PTPRQ: variants seen among roughly 807,000 people sequenced by gnomAD.
PTPRQ encodes protein tyrosine phosphatase receptor type Q.
In PTPRQ, 199 loss-of-function variants were observed where a neutral mutation model predicts 246.0. The ratio of observed to expected loss-of-function variants is 0.81; its 90% confidence interval spans 0.72 to 0.91. The LOEUF (loss-of-function observed/expected upper bound fraction) is 0.91, where lower values mean the gene tolerates loss of function less well. PTPRQ is among the 40% of genes least tolerant of loss of function. The pLI is 0.00. For missense variants in PTPRQ, 2,624 were observed against 2,528.4 expected, an observed-to-expected ratio of 1.04 and a Z score of -0.81; for synonymous variants, 869 against 853.2, an observed-to-expected ratio of 1.02 and a Z score of -0.32.
At chr12:80,652,285 A>G (rs1265003028) in intron 37 of PTPRQ, among the ~76,000 whole-genome samples, 2 of 152,128 alleles carry the variant, frequency 1.3e-5, no homozygotes, top group South Asian at 2.1e-4. Flanking sequence ...AAGAGCAGGA[A>G]TTGACCTCTG....
chr12:80,565,445 G>A (rs1396976137), intron 25 of PTPRQ, among the ~76,000 whole-genome samples: 1 of 152,130 alleles, frequency 6.6e-6, no homozygotes, highest in Non-Finnish European at 1.5e-5. Context: ...CTATGCAGCT[G>A]TAGTTGATAC....
chr12:80,466,334 C>A (rs531544600), intron 6 of PTPRQ, among the ~76,000 whole-genome samples: 1 of 152,070 alleles, frequency 6.6e-6, no homozygotes, highest in Non-Finnish European at 1.5e-5. Flanking sequence ...GAAGTACAAA[C>A]CAGTGCTCAA....
chr12:80,582,033 A>G (rs947421994), intron 25 of PTPRQ, among the ~76,000 whole-genome samples: 6 of 152,196 alleles, frequency 3.9e-5, no homozygotes, highest in Non-Finnish European at 8.8e-5. Context: ...TTTACCTAGC[A>G]ACGATTATCC....
chr12:80,673,109 C>A lies in PTPRQ; in HGVS notation c.6603-60C>A, dbSNP rs1901025516. 1.9e-6 allele frequency: 3 copies of A among 1,538,492 alleles called. No homozygotes were observed. The African/African-American group carries it at 4.1e-5, about 21-fold the overall frequency. On this transcript the variant is annotated intron_variant, in intron 42 of 44. Transcript: ENST00000644991. ...TGCTATCATAGCTCATTATCTTTATCCCCATCAAAATGAACAACCCTTTGC... is the reference window on the plus strand; with the variant it reads ...TGCTATCATAGCTCATTATCTTTATACCCATCAAAATGAACAACCCTTTGC...
In PTPRQ at chr12:80,530,774, C is replaced by T. The variant is rs1895822008; in HGVS notation, c.2679-3241C>T. 2.6e-5 allele frequency among the ~76,000 whole-genome samples: 4 copies of T among 152,072 alleles called. No individual in the cohort carries two copies. The South Asian group carries it at 8.3e-4, about 32-fold the overall frequency. On this transcript the variant is annotated intron_variant, in intron 17 of 44. Coordinates refer to ENST00000644991, the MANE Select transcript of PTPRQ (RefSeq NM_001145026.2). Reference sequence around the variant, plus strand: ...GTTTGTCAAAATGGGTACTCTCACACATTGGTGGTATGATTCTAAATAATT... The same window carrying T: ...GTTTGTCAAAATGGGTACTCTCACATATTGGTGGTATGATTCTAAATAATT...
At chr12:80,663,353 C>T (rs563026035) in intron 39 of PTPRQ, among the ~76,000 whole-genome samples, 3 of 151,758 alleles carry the variant, frequency 2.0e-5, no homozygotes, top group Non-Finnish European at 4.4e-5. Flanking sequence ...GAACCTACTC[C>T]TCCCTTACAG....
At chr12:80,538,718 T>A (rs1433415663) in intron 19 of PTPRQ, among the ~76,000 whole-genome samples, 1 of 152,210 alleles carries the variant, frequency 6.6e-6, no homozygotes, top group African/African-American at 2.4e-5. Flanking sequence ...ACTATAAATT[T>A]GGTAAATTTG....
chr12:80,569,751 G>A (rs564753021), intron 25 of PTPRQ, among the ~76,000 whole-genome samples: 5 of 92,080 alleles, frequency 5.4e-5, no homozygotes, highest in African/African-American at 1.7e-4. Context: ...CCCCACCCCC[G>A]ACAGGCCCCA....
At chr12:80,507,667 G>A (rs1361542444) in intron 16 of PTPRQ, among the ~76,000 whole-genome samples, 2 of 151,928 alleles carry the variant, frequency 1.3e-5, no homozygotes, top group African/African-American at 4.8e-5. Context: ...TGTTGCCCCA[G>A]TTTCTAAGTG....
chr12:80,604,950 T>C, intron 26 of PTPRQ, 109 bp from the exon 27 acceptor site: 1 of 1,134,734 alleles, frequency 8.8e-7, no homozygotes, highest in Non-Finnish European at 1.1e-6. Context: ...TAATGTAAAA[T>C]TAAAATTAAT....
intron 3 of PTPRQ, 27 bp downstream of exon 3, chr12:80,445,744 G>C (rs945515857): frequency 7.3e-6 from 10 of 1,374,026 alleles, no homozygotes; most frequent in African/African-American, 7.2e-5. Flanking sequence ...TGACTACTTA[G>C]TGTTCAAACA....
intron 25 of PTPRQ, among the ~76,000 whole-genome samples, chr12:80,556,552 A>G (rs1005297775): frequency 6.6e-6 from 1 of 152,200 alleles, no homozygotes; most frequent in Non-Finnish European, 1.5e-5. Context: ...ATCATCTGAT[A>G]TAGATCAATA....
chr12:80,513,199 C>T (rs1312626704), intron 17 of PTPRQ, among the ~76,000 whole-genome samples: 1 of 152,120 alleles, frequency 6.6e-6, no homozygotes, highest in East Asian at 1.9e-4. Context: ...AACTGGATCA[C>T]ACGTGGGCTT....
intron 15 of PTPRQ, 104 bp from the exon 16 acceptor site, chr12:80,506,465 T>A: frequency 1.0e-6 from 1 of 987,230 alleles, no homozygotes; most frequent in Non-Finnish European, 1.5e-6. Context: ...CACTTAGTTT[T>A]TATTTTTGGA....
intron 39 of PTPRQ, among the ~76,000 whole-genome samples, chr12:80,664,742 T>C (rs1900734480): frequency 6.6e-6 from 1 of 151,978 alleles, no homozygotes; most frequent in Non-Finnish European, 1.5e-5. Context: ...TCAGCTATTT[T>C]CAAGGTCATC....
At chr12:80,489,423 A>T (rs906231147) in intron 9 of PTPRQ, among the ~76,000 whole-genome samples, 1 of 152,038 alleles carries the variant, frequency 6.6e-6, no homozygotes, top group Admixed American at 6.6e-5. Flanking sequence ...AACACTCTGT[A>T]ACACACAGTA....
chr12:80,648,470 A>G (rs1389421922), intron 35 of PTPRQ, among the ~76,000 whole-genome samples: 1 of 152,110 alleles, frequency 6.6e-6, no homozygotes, highest in Non-Finnish European at 1.5e-5. Context: ...ATACTTAACC[A>G]ATGTGATGTC....
intron 7 of PTPRQ, 117 bp downstream of exon 7, chr12:80,468,955 CA>C: frequency 7.3e-7 from 1 of 1,362,052 alleles, no homozygotes; most frequent in East Asian, 2.8e-5. Context: ...AAGATTGAAG[CA>C]AACAATAGGA....
At chr12:80,515,351 ATT>A (rs1212383602) in intron 17 of PTPRQ, among the ~76,000 whole-genome samples, 10 of 152,100 alleles carry the variant, frequency 6.6e-5, no homozygotes, top group African/African-American at 2.4e-4. Flanking sequence ...TTCTCTCATA[ATT>A]CTCAGTTGCC....
Sources: allele counts gnomAD v4.1 joint callset (sites outside exome capture counted in the v4.1 genomes callset), GRCh38; gene constraint gnomAD v4.1.1; transcripts MANE v1.5; gene names NCBI Gene and HGNC (gene_info 2026-07-23, HGNC 2026-07-21).